The following LRRC4C variants were observed in gnomAD, a reference collection of about 807,000 sequenced individuals.
LRRC4C encodes leucine rich repeat containing 4C.
A neutral mutation model predicts 33.6 loss-of-function variants in LRRC4C; 5 were observed. That is an observed-to-expected ratio of 0.15 (90% CI 0.08 to 0.31). The LOEUF (loss-of-function observed/expected upper bound fraction) is 0.31, where lower values mean the gene tolerates loss of function less well. Ranked by LOEUF, LRRC4C falls within the 10% of genes least tolerant of loss-of-function variation. The probability of loss-of-function intolerance (pLI) is 1.00; values close to 1 mark genes in which losing one functional copy is unlikely to be tolerated. For missense variants in LRRC4C, 560 were observed against 796.7 expected, an observed-to-expected ratio of 0.70 and a Z score of 3.58; for synonymous variants, 329 against 302.0, an observed-to-expected ratio of 1.09 and a Z score of -0.93.
At chr11:40,902,969 A>T (rs953373867) in intron 2 of LRRC4C, among the ~76,000 whole-genome samples, 3 of 152,236 alleles carry the variant, frequency 2.0e-5, no homozygotes, top group African/African-American at 7.2e-5. Context: ...AAGATCATTA[A>T]TGAAGGTAGC....
At chr11:41,314,628 A>G (rs1190119153) in intron 1 of LRRC4C, among the ~76,000 whole-genome samples, 2 of 152,156 alleles carry the variant, frequency 1.3e-5, no homozygotes, top group Admixed American at 1.3e-4. Flanking sequence ...GGCAGGGAAC[A>G]TCACACACCA....
At chr11:40,470,158 C>A (rs1952858018) in intron 3 of LRRC4C, among the ~76,000 whole-genome samples, 1 of 152,130 alleles carries the variant, frequency 6.6e-6, no homozygotes, top group Admixed American at 6.5e-5. Flanking sequence ...GGTGGGTGCC[C>A]CTCTGGCATG....
intron 2 of LRRC4C, among the ~76,000 whole-genome samples, chr11:40,752,487 G>T (rs1229741038): frequency 6.6e-6 from 1 of 151,384 alleles, no homozygotes; most frequent in Non-Finnish European, 1.5e-5. Context: ...TGACCAACAG[G>T]TATATTAAAA....
intron 3 of LRRC4C, among the ~76,000 whole-genome samples, chr11:40,550,565 A>G (rs1174547439): frequency 1.3e-5 from 2 of 152,238 alleles, no homozygotes; most frequent in African/African-American, 4.8e-5. Context: ...CAGGAAGTGC[A>G]GAGAGACAGA....
intron 2 of LRRC4C, among the ~76,000 whole-genome samples, chr11:40,682,040 A>T (rs930140550): frequency 7.2e-5 from 11 of 152,150 alleles, no homozygotes; most frequent in African/African-American, 2.7e-4. Flanking sequence ...ACAAATCTCC[A>T]CTAAAGAAAT....
At chr11:40,252,713 AAGT>A (rs1241483707) in intron 4 of LRRC4C, among the ~76,000 whole-genome samples, 1 of 152,180 alleles carries the variant, frequency 6.6e-6, no homozygotes, top group Non-Finnish European at 1.5e-5. Flanking sequence ...TTATTATACA[AAGT>A]AGAAAATTCC....
At chr11:40,263,735 C>A (rs369086758) in intron 4 of LRRC4C, among the ~76,000 whole-genome samples, 1 of 152,200 alleles carries the variant, frequency 6.6e-6, no homozygotes, top group East Asian at 1.9e-4. Context: ...AAAGGCCATT[C>A]ATGCGGCTAA....
chr11:40,984,397 AAGAAAGAAAGAAAGAAAGAGAAAGAAAG>A (rs1565270934), intron 1 of LRRC4C, among the ~76,000 whole-genome samples: 110 of 87,382 alleles, frequency 1.3e-3, no homozygotes, highest in African/African-American at 3.5e-3. Flanking sequence ...GAAAGAAAGA[AAGAAAGAAAGAAAGAAAGAGAAAGAAAG>A]AAAGAGAAAA....
At chr11:40,391,817 T>G (rs1350185794) in intron 3 of LRRC4C, among the ~76,000 whole-genome samples, 1 of 152,162 alleles carries the variant, frequency 6.6e-6, no homozygotes, top group Non-Finnish European at 1.5e-5. Context: ...AAGCTGAAAT[T>G]TTATGTCCAC....
At chr11:41,186,085 G>A (rs1347375177) in intron 1 of LRRC4C, among the ~76,000 whole-genome samples, 2 of 152,030 alleles carry the variant, frequency 1.3e-5, no homozygotes, top group Non-Finnish European at 2.9e-5. Flanking sequence ...TAAATGACAT[G>A]AATGTAGTAT....
At chr11:41,177,336 T>A (rs978204537) in intron 1 of LRRC4C, among the ~76,000 whole-genome samples, 11 of 152,038 alleles carry the variant, frequency 7.2e-5, no homozygotes, top group Non-Finnish European at 1.2e-4. Context: ...AGATACAAAT[T>A]TGCTTTTTTT....
chr11:40,317,385 C>G (rs1945626514), intron 4 of LRRC4C, among the ~76,000 whole-genome samples: 1 of 151,992 alleles, frequency 6.6e-6, no homozygotes, highest in Non-Finnish European at 1.5e-5. Flanking sequence ...ATGGGTTATA[C>G]TTTCCACAGG....
At chr11:41,157,014 C>T (rs1018448757) in intron 1 of LRRC4C, among the ~76,000 whole-genome samples, 1 of 152,020 alleles carries the variant, frequency 6.6e-6, no homozygotes, top group Admixed American at 6.6e-5. Flanking sequence ...TGCTCTTCTG[C>T]CATGTGAAGA....
At chr11:41,226,722 A>G (rs1458637305) in intron 1 of LRRC4C, among the ~76,000 whole-genome samples, 2 of 146,568 alleles carry the variant, frequency 1.4e-5, no homozygotes, top group East Asian at 4.1e-4. Flanking sequence ...GCCTGTTCAC[A>G]TGCTAAAATC....
At chr11:41,325,171 T>TA (rs990427565) in intron 1 of LRRC4C, among the ~76,000 whole-genome samples, 40 of 152,298 alleles carry the variant, frequency 2.6e-4, no homozygotes, top group Middle Eastern at 3.4e-3. Context: ...TTTCTTTTTT[T>TA]AAAAACTGGG....
intron 1 of LRRC4C, among the ~76,000 whole-genome samples, chr11:41,093,814 G>A (rs1486861337): frequency 7.3e-5 from 11 of 151,602 alleles, no homozygotes; most frequent in African/African-American, 1.2e-4. Context: ...CAGACCGGCC[G>A]GGCCCGGTGG....
chr11:41,419,524 T>C (rs1254620089), intron 1 of LRRC4C, among the ~76,000 whole-genome samples: 1 of 151,848 alleles, frequency 6.6e-6, no homozygotes, highest in Non-Finnish European at 1.5e-5. Context: ...AATGGCCAAG[T>C]AGAAATATAT....
intron 1 of LRRC4C, among the ~76,000 whole-genome samples, chr11:41,449,722 A>G (rs1764409975): frequency 6.6e-6 from 1 of 150,642 alleles, no homozygotes; most frequent in South Asian, 2.1e-4. Context: ...CAGGGATGAT[A>G]GTAATGACCA....
chr11:40,993,670 G>A (rs1400095525), intron 1 of LRRC4C, among the ~76,000 whole-genome samples: 1 of 150,540 alleles, frequency 6.6e-6, no homozygotes, highest in Non-Finnish European at 1.5e-5. Context: ...TTTTCCTTTT[G>A]ACATCTAATA....
Sources: allele counts gnomAD v4.1 joint callset (sites outside exome capture counted in the v4.1 genomes callset), GRCh38; gene constraint gnomAD v4.1.1; transcripts MANE v1.5; gene names NCBI Gene and HGNC (gene_info 2026-07-23, HGNC 2026-07-21).